The following CTR9 variants were observed in gnomAD, a reference collection of about 807,000 sequenced individuals.
CTR9 encodes CTR9 component of Paf1/RNA polymerase II complex.
CTR9 carries 41 observed loss-of-function variants against 152.1 expected under a neutral mutation model. That is an observed-to-expected ratio of 0.27 (90% CI 0.21 to 0.35). The LOEUF is 0.35. Ranked by LOEUF, CTR9 falls within the 10% of genes least tolerant of loss-of-function variation. The pLI, the probability that CTR9 is intolerant of heterozygous loss-of-function variation, is 1.00. For synonymous variants in CTR9, 476 were observed against 496.2 expected, an observed-to-expected ratio of 0.96 and a Z score of 0.54; for missense variants, 917 against 1,424.4, an observed-to-expected ratio of 0.64 and a Z score of 5.73.
rs552861009 is a variant in CTR9, at chr11:10,764,630, C to T, written c.1496C>T (p.Thr499Met). Residue 499 changes from threonine (T) to methionine (M), a missense_variant, in exon 12 of 25, where the codon ACG (threonine) becomes ATG (methionine). Physicochemically the swap from Thr to Met is moderately conservative, Grantham distance 81. Coordinates refer to ENST00000361367, the MANE Select transcript of CTR9 (RefSeq NM_014633.5). Reference sequence around the variant, plus strand: ...TACTATAACGCCATTTCCGTTACCACGTCATATAATCTCGCCAGGCTATAT... The same window carrying T: ...TACTATAACGCCATTTCCGTTACCATGTCATATAATCTCGCCAGGCTATAT... ...EHYYNAISVT[T>M]SYNLARLYEA... is the part of the protein sequence containing the mutation. 6.2e-7 allele frequency: 1 copy of T among 1,613,542 alleles called. No individual in the cohort carries two copies. The highest frequency in any genetic ancestry group is 1.3e-5 in the African/African-American group (1 of 75,016).
At chr11:10,765,336 A>T (rs1849203402) in intron 12 of CTR9, among the ~76,000 whole-genome samples, 1 of 152,156 alleles carries the variant, frequency 6.6e-6, no homozygotes, top group South Asian at 2.1e-4. Flanking sequence ...AATAATAATA[A>T]TATACATAGT....
chr11:10,770,087 T>A (rs1863119579), intron 16 of CTR9, 123 bp from the exon 17 acceptor site: 1 of 580,156 alleles, frequency 1.7e-6, no homozygotes, highest in African/African-American at 1.9e-5. Context: ...TCTCTGAAAT[T>A]AACCATTCAA....
At position 10,768,540 on chromosome 11, in the gene CTR9, C is replaced by G. The variant is rs765723056; in HGVS notation, c.2109+49C>G. On this transcript the variant is annotated intron_variant, in intron 16 of 24. Coordinates refer to ENST00000361367, the MANE Select transcript of CTR9 (RefSeq NM_014633.5). ...TTTTTATATCTTGTTCATTGTTAAG[C>G]AGATGTTTTCTTAGCCATTCTGGCC... is the stretch of plus-strand genomic sequence containing the variant. 103 of 1,544,958 alleles carry G rather than the reference C, an allele frequency of 6.7e-5. No homozygotes were observed. In the Middle Eastern group the frequency reaches 3.7e-3, roughly 55 times the overall value.
chr11:10,770,370 T>G, intron 17 of CTR9, 44 bp downstream of exon 17: 1 of 1,591,202 alleles, frequency 6.3e-7, no homozygotes, highest in African/African-American at 1.3e-5. Context: ...TGTGCTACAT[T>G]GTATTTTTTA....
Position 10,763,505 on chromosome 11 carries a change from C to T in CTR9, c.924C>T (p.Ser308=), listed in dbSNP as rs1403034990. 1.2e-6 allele frequency: 2 copies of T among 1,611,436 alleles called. No individual in the cohort carries two copies. The highest frequency in any genetic ancestry group is 1.7e-6 in the Non-Finnish European group (2 of 1,179,254). Residue 308 remains serine (S), a synonymous_variant, in exon 8 of 25, where the codon AGC becomes AGT. Transcript: ENST00000361367. ...AAGTGGAAGCTATGCAAGCAGAGAG[C>T]TGCTATCAGCTAGCTAGATCATTCC... ...NTEVEAMQAE[S]CYQLARSFHV...
chr11:10,761,320 T>A (rs1021707385), intron 6 of CTR9, among the ~76,000 whole-genome samples: 1 of 152,098 alleles, frequency 6.6e-6, no homozygotes, highest in Non-Finnish European at 1.5e-5. Context: ...GAACTTTCCT[T>A]CCTAAACTCA....
chr11:10,766,749 C>G (rs539985157), intron 13 of CTR9, among the ~76,000 whole-genome samples: 142 of 152,260 alleles, frequency 9.3e-4, no homozygotes, highest in African/African-American at 3.4e-3. Flanking sequence ...CCTTTCACTC[C>G]ACTTCAACAA....
intron 24 of CTR9, among the ~76,000 whole-genome samples, chr11:10,777,216 G>A (rs1451502540): frequency 6.6e-6 from 1 of 151,924 alleles, no homozygotes; most frequent in South Asian, 2.1e-4. Flanking sequence ...GACTCATAGG[G>A]AGGTAATCTA....
At chr11:10,776,228 G>A (rs1252832647) in intron 24 of CTR9, among the ~76,000 whole-genome samples, 2 of 152,204 alleles carry the variant, frequency 1.3e-5, no homozygotes, top group Non-Finnish European at 2.9e-5. Flanking sequence ...TGGGATTACA[G>A]GCATGTGCCA....
At chr11:10,757,883 G>A (rs1862911292) in intron 5 of CTR9, among the ~76,000 whole-genome samples, 1 of 152,152 alleles carries the variant, frequency 6.6e-6, no homozygotes. Flanking sequence ...GCTTAGAAAG[G>A]ATGACCAAGG....
rs536067773 is a variant in CTR9 at position 10,761,018 on chromosome 11, C to T, written c.741+697C>T. Among the ~76,000 whole-genome samples, 13 of 152,314 alleles carry T rather than the reference C, an allele frequency of 8.5e-5. No individual in the cohort carries two copies. The South Asian group carries it at 2.7e-3, about 32-fold the overall frequency. On this transcript the variant is annotated intron_variant, in intron 6 of 24. Transcript: ENST00000361367. ...AAGGAAGCTCTCCATCATGCTTCCC[C>T]TTATGTATAATTGTCCAAAACAGGG...
chr11:10,778,853 A>C lies in CTR9; in HGVS notation c.3270A>C (p.Pro1090=), dbSNP rs1167694498. The change falls in exon 25 of 25, where the codon CCA becomes CCC. Residue 1090 remains proline, a synonymous_variant. Transcript: ENST00000361367. The part of the protein sequence containing the change: ...RSDQDSDSDQ[P]SRKRRPSGSE... ...ATCAGGACTCAGACAGTGACCAGCC[A>C]TCCAGAAAGAGAAGGCCCTCCGGTT... The C allele has an allele frequency of 6.2e-7, 1 of 1,614,226 alleles. No homozygotes were observed. Among genetic ancestry groups the C allele is most frequent in the South Asian group, 1.1e-5 (1 of 91,086 alleles).
intron 1 of CTR9, among the ~76,000 whole-genome samples, chr11:10,752,095 A>C (rs1014713200): frequency 6.6e-6 from 1 of 151,474 alleles, no homozygotes; most frequent in Non-Finnish European, 1.5e-5. Context: ...TTTTATTTTT[A>C]TTTTTTTTGT....
At chr11:10,761,810 A>G in intron 6 of CTR9, 137 bp from the exon 7 acceptor site, 1 of 511,040 alleles carries the variant, frequency 2.0e-6, no homozygotes, top group Non-Finnish European at 3.5e-6. Context: ...GATATTTAAA[A>G]TCATAAGAAG....
In CTR9 at chr11:10,770,549, A is replaced by T; in HGVS notation, c.2289A>T (p.Arg763Ser). The change falls in exon 18 of 25, where the codon AGA becomes AGT. Residue 763 changes from arginine to serine, a missense_variant. Around this residue, in one of 9 missense-constraint regions of CTR9, gnomAD observed 106 missense variants for 157.8 expected, o/e 0.67. Transcript: ENST00000361367. ...LMFNVALVLQ[R>S]LATSVLKDEK... is the part of the protein sequence containing the mutation. Reference sequence around the variant, plus strand: ...TTAATGTGGCCTTGGTCCTGCAAAGATTAGCTACCTCTGTCCTGAAAGATG... The same window carrying T: ...TTAATGTGGCCTTGGTCCTGCAAAGTTTAGCTACCTCTGTCCTGAAAGATG... 1 of 1,614,134 alleles carries T rather than the reference A, an allele frequency of 6.2e-7. No homozygotes were observed. Among genetic ancestry groups the T allele is most frequent in the Non-Finnish European group, 8.5e-7 (1 of 1,180,004 alleles).
At chr11:10,772,260 C>T (rs1027502324) in intron 19 of CTR9, among the ~76,000 whole-genome samples, 4 of 151,956 alleles carry the variant, frequency 2.6e-5, no homozygotes, top group African/African-American at 7.3e-5. Context: ...GAGGCTGAGG[C>T]AGGATAATCA....
chr11:10,772,786 G>A (rs2135381743), intron 20 of CTR9, 131 bp downstream of exon 20: 1 of 929,356 alleles, frequency 1.1e-6, no homozygotes, highest in East Asian at 2.9e-5. Context: ...TTGGGAGGAT[G>A]AGGTGGGTGG....
In CTR9 at chr11:10,758,094, TA is replaced by T. The variant is rs1251845511; in HGVS notation, c.592+1257del. Reference sequence around the variant, plus strand: ...GAGAGAGAAAGAGTTGGGGGGAAAGTAGTAAGAAATGGGGTCAAAGCTATAA... The same window carrying T: ...GAGAGAGAAAGAGTTGGGGGGAAAGTGTAAGAAATGGGGTCAAAGCTATAA... On this transcript the variant is annotated intron_variant, in intron 5 of 24. Coordinates refer to ENST00000361367, the MANE Select transcript of CTR9 (RefSeq NM_014633.5). Among the ~76,000 whole-genome samples, 3 of 151,968 alleles carry T rather than the reference TA, an allele frequency of 2.0e-5. No homozygotes were observed. The East Asian group carries it at 5.8e-4, about 29-fold the overall frequency.
intron 1 of CTR9, 97 bp from the exon 2 acceptor site, chr11:10,752,575 A>G (rs1862822172): frequency 1.0e-5 from 8 of 803,048 alleles, no homozygotes; most frequent in Non-Finnish European, 1.7e-5. Context: ...CACGTACTCT[A>G]TGTATATGCA....
Sources: allele counts gnomAD v4.1 joint callset (sites outside exome capture counted in the v4.1 genomes callset), GRCh38; gene constraint gnomAD v4.1.1; regional missense constraint gnomAD v4.1.1; transcripts MANE v1.5; gene names NCBI Gene and HGNC (gene_info 2026-07-23, HGNC 2026-07-21).